The following CYP2C18 variants were observed in gnomAD, a reference collection of about 807,000 sequenced individuals.
CYP2C18 encodes cytochrome P450 family 2 subfamily C member 18, also known as cytochrome P450 2C18.
Under a neutral mutation model 41.3 loss-of-function variants are expected in CYP2C18, and 38 were observed. The observed-to-expected ratio is 0.92, with a 90% CI of 0.71 to 1.21. The LOEUF is 1.21. CYP2C18 is among the 50% of genes most tolerant of loss of function. CYP2C18 has a pLI of 0.00. For missense variants in CYP2C18, 635 were observed against 591.4 expected, an observed-to-expected ratio of 1.07 and a Z score of -0.77; for synonymous variants, 236 against 210.0, an observed-to-expected ratio of 1.12 and a Z score of -1.07.
intron 4 of CYP2C18, among the ~76,000 whole-genome samples, chr10:94,706,444 T>C (rs1054842556): frequency 1.3e-5 from 2 of 152,200 alleles, no homozygotes; most frequent in Non-Finnish European, 2.9e-5. Flanking sequence ...TCTGTTCTTA[T>C]CTGTAAAATG....
chr10:94,695,172 T>G, intron 4 of CYP2C18, 95 bp downstream of exon 4: 2 of 1,155,188 alleles, frequency 1.7e-6, no homozygotes, highest in Non-Finnish European at 2.4e-6. Flanking sequence ...CTTTAAGTTC[T>G]GGGATATGTG....
chr10:94,710,161 G>T (rs555381518), intron 5 of CYP2C18, among the ~76,000 whole-genome samples: 1 of 152,288 alleles, frequency 6.6e-6, no homozygotes, highest in African/African-American at 2.4e-5. Context: ...AGCAGAGACA[G>T]CCTTTCGCTA....
At position 94,735,531 on chromosome 10, in the gene CYP2C18, G is replaced by A; in HGVS notation, c.*87G>A. On this transcript the variant is annotated 3_prime_UTR_variant, in exon 9 of 9. Transcript: ENST00000285979. ...ATTGGCCTCTCCCTTCTCTCTGTGAGGGATATTTTCTCTGACTTGTCAATC... is the reference window on the plus strand; with the variant it reads ...ATTGGCCTCTCCCTTCTCTCTGTGAAGGATATTTTCTCTGACTTGTCAATC... 7.6e-7 allele frequency: 1 copy of A among 1,310,444 alleles called. No individual in the cohort carries two copies. Among genetic ancestry groups the A allele is most frequent in the African/African-American group, 1.5e-5 (1 of 68,156 alleles). 81.2% of individuals were successfully genotyped at this position (1,310,444 alleles called of 1,614,324 possible).
rs1227797394 is a variant in CYP2C18, at chr10:94,733,332, G to A, written c.1185G>A (p.Leu395=). 1.2e-6 allele frequency: 2 copies of A among 1,613,154 alleles called. No homozygotes were observed. Among genetic ancestry groups the A allele is most frequent in the African/African-American group, 2.7e-5 (2 of 74,834 alleles). ...TAATAACATCCCTGACTTCTGTGCT[G>A]CACAATGACAAAGAATTCCCCAACC... ...TTIITSLTSV[L]HNDKEFPNPE... is the part of the protein sequence containing the mutation. The change falls in exon 8 of 9, where the codon CTG becomes CTA. Residue 395 remains leucine, a synonymous_variant. Coordinates refer to ENST00000285979, the MANE Select transcript of CYP2C18 (RefSeq NM_000772.3).
chr10:94,715,000 A>C (rs1847514027), intron 5 of CYP2C18, among the ~76,000 whole-genome samples: 1 of 152,156 alleles, frequency 6.6e-6, no homozygotes, highest in African/African-American at 2.4e-5. Flanking sequence ...GGTGTATAAG[A>C]ATACTTGTGA....
intron 4 of CYP2C18, among the ~76,000 whole-genome samples, chr10:94,697,199 T>C (rs954507596): frequency 2.0e-5 from 3 of 152,066 alleles, no homozygotes; most frequent in Admixed American, 1.3e-4. Flanking sequence ...GAAGTTGAAA[T>C]GAAGGAAAAA....
chr10:94,712,836 T>A (rs1030606219), intron 5 of CYP2C18, among the ~76,000 whole-genome samples: 1 of 152,212 alleles, frequency 6.6e-6, no homozygotes, highest in African/African-American at 2.4e-5. Flanking sequence ...TTTTTCCACA[T>A]CTTCACCAAC....
At chr10:94,721,622 C>G (rs1002704817) in intron 6 of CYP2C18, among the ~76,000 whole-genome samples, 1 of 152,022 alleles carries the variant, frequency 6.6e-6, no homozygotes, top group Non-Finnish European at 1.5e-5. Flanking sequence ...ACCTTTCCAC[C>G]TTTTGGACTC....
chr10:94,708,601 A>G (rs948551831), intron 5 of CYP2C18, among the ~76,000 whole-genome samples: 3 of 152,248 alleles, frequency 2.0e-5, no homozygotes, highest in Admixed American at 2.0e-4. Context: ...AGTTTAATTC[A>G]CATATTGTAC....
intron 3 of CYP2C18, among the ~76,000 whole-genome samples, chr10:94,689,606 A>G (rs1564637304): frequency 6.6e-6 from 1 of 152,162 alleles, no homozygotes; most frequent in Non-Finnish European, 1.5e-5. Flanking sequence ...TGGATACCAA[A>G]ATCCACATAT....
chr10:94,699,703 G>A (rs940697824), intron 4 of CYP2C18, among the ~76,000 whole-genome samples: 4 of 152,162 alleles, frequency 2.6e-5, no homozygotes, highest in Non-Finnish European at 5.9e-5. Flanking sequence ...GTTTGCAGAT[G>A]ACATGATTGT....
intron 4 of CYP2C18, among the ~76,000 whole-genome samples, chr10:94,697,551 G>A (rs909052473): frequency 6.6e-6 from 1 of 152,122 alleles, no homozygotes; most frequent in African/African-American, 2.4e-5. Flanking sequence ...GACCATCGAG[G>A]CTGGGAAGAA....
At chr10:94,716,624 G>A (rs866973353) in intron 5 of CYP2C18, among the ~76,000 whole-genome samples, 17 of 152,150 alleles carry the variant, frequency 1.1e-4, no homozygotes, top group South Asian at 4.1e-4. Context: ...TTTGGAATAC[G>A]TGCGATATGG....
chr10:94,733,605 T>C, intron 8 of CYP2C18, 167 bp downstream of exon 8: 9 of 985,080 alleles, frequency 9.1e-6, no homozygotes, highest in Non-Finnish European at 1.1e-5. Flanking sequence ...ATCCCCATTA[T>C]TGGGCCAGGT....
chr10:94,692,189 T>G (rs1244079667), intron 3 of CYP2C18, among the ~76,000 whole-genome samples: 2 of 151,948 alleles, frequency 1.3e-5, no homozygotes, highest in African/African-American at 2.4e-5. Flanking sequence ...CTAATTAAAC[T>G]AAAGAGCTTC....
intron 6 of CYP2C18, among the ~76,000 whole-genome samples, chr10:94,723,694 G>C (rs1345181897): frequency 6.6e-6 from 1 of 152,114 alleles, no homozygotes; most frequent in Non-Finnish European, 1.5e-5. Context: ...GTTTCTGTTT[G>C]TGGGTGTGTG....
chr10:94,697,059 C>G (rs912672779), intron 4 of CYP2C18, among the ~76,000 whole-genome samples: 4 of 152,064 alleles, frequency 2.6e-5, no homozygotes, highest in Admixed American at 6.6e-5. Flanking sequence ...ACACTCTGCA[C>G]GATATTATCC....
chr10:94,730,383 C>G (rs995365656), intron 7 of CYP2C18, among the ~76,000 whole-genome samples: 1 of 152,106 alleles, frequency 6.6e-6, no homozygotes, highest in South Asian at 2.1e-4. Context: ...CAATTCATTT[C>G]TCTTTTCAAG....
intron 3 of CYP2C18, among the ~76,000 whole-genome samples, chr10:94,689,538 A>G (rs1846958606): frequency 6.6e-6 from 1 of 152,098 alleles, no homozygotes; most frequent in South Asian, 2.1e-4. Context: ...ACTCTCACAC[A>G]TGAATCCAAT....
Sources: gnomAD v4.1 joint callset for allele counts (sites outside exome capture counted in the v4.1 genomes callset) on GRCh38, gnomAD v4.1.1 for gene constraint, MANE v1.5 for transcripts, NCBI Gene and HGNC (gene_info 2026-07-23, HGNC 2026-07-21) for gene names.